The following CDH18 variants were observed in gnomAD, a reference collection of about 807,000 sequenced individuals.
CDH18 encodes cadherin 18.
CDH18 carries 31 observed loss-of-function variants against 67.9 expected under a neutral mutation model. That is an observed-to-expected ratio of 0.46 (90% CI 0.34 to 0.62). The LOEUF (loss-of-function observed/expected upper bound fraction) is 0.62, where lower values mean the gene tolerates loss of function less well. Ranked by LOEUF, CDH18 falls within the 20% of genes least tolerant of loss-of-function variation. CDH18 has a pLI of 0.01. For synonymous variants in CDH18, 362 were observed against 347.2 expected (o/e 1.04, Z -0.48); for missense variants, 890 against 975.5 (o/e 0.91, Z 1.17).
At chr5:19,814,965 T>C (rs528602417) in intron 3 of CDH18, among the ~76,000 whole-genome samples, 18 of 152,000 alleles carry the variant, frequency 1.2e-4, no homozygotes, top group Non-Finnish European at 2.1e-4. Flanking sequence ...ATAATGTGTA[T>C]TGCTGAACTT....
intron 6 of CDH18, among the ~76,000 whole-genome samples, chr5:19,611,910 C>T (rs1035773292): frequency 3.3e-5 from 5 of 150,552 alleles, no homozygotes; most frequent in African/African-American, 4.9e-5. Flanking sequence ...TCTGAGACCT[C>T]ATCTTATCAT....
intron 2 of CDH18, among the ~76,000 whole-genome samples, chr5:20,027,188 CT>C (rs1156666635): frequency 1.3e-5 from 2 of 151,568 alleles, no homozygotes; most frequent in East Asian, 3.9e-4. Context: ...TATGATTAAA[CT>C]TTTTACATAT....
intron 3 of CDH18, among the ~76,000 whole-genome samples, chr5:19,757,437 C>T (rs1052986127): frequency 2.4e-4 from 37 of 152,182 alleles, no homozygotes; most frequent in Admixed American, 5.2e-4. Context: ...CCAGGTCAGC[C>T]TTGGTGAGTG....
intron 3 of CDH18, among the ~76,000 whole-genome samples, chr5:19,780,514 AC>A (rs1774986919): frequency 6.6e-6 from 1 of 152,124 alleles, no homozygotes; most frequent in Non-Finnish European, 1.5e-5. Context: ...TAAATTAGGA[AC>A]AAAAAAGGAC....
intron 2 of CDH18, among the ~76,000 whole-genome samples, chr5:20,217,766 GCCT>G (rs1480801030): frequency 6.6e-6 from 1 of 151,618 alleles, no homozygotes; most frequent in Non-Finnish European, 1.5e-5. Context: ...ATGATTTGTT[GCCT>G]ACATAGCAAA....
At chr5:19,570,396 G>T (rs952242967) in intron 8 of CDH18, among the ~76,000 whole-genome samples, 1 of 152,120 alleles carries the variant, frequency 6.6e-6, no homozygotes, top group African/African-American at 2.4e-5. Context: ...GAGTAGGATT[G>T]TTGAATATCT....
chr5:19,766,782 C>T (rs1363640693), intron 3 of CDH18, among the ~76,000 whole-genome samples: 4 of 152,088 alleles, frequency 2.6e-5, no homozygotes, highest in Admixed American at 6.6e-5. Context: ...TTTATCTGCC[C>T]GGATTTTAGT....
chr5:19,789,230 A>C (rs1386276542), intron 3 of CDH18, among the ~76,000 whole-genome samples: 1 of 152,134 alleles, frequency 6.6e-6, no homozygotes, highest in Admixed American at 6.6e-5. Flanking sequence ...AAGTTGTACG[A>C]CCTTAGGCAA....
chr5:19,912,909 T>C (rs1791312492), intron 2 of CDH18, among the ~76,000 whole-genome samples: 1 of 152,112 alleles, frequency 6.6e-6, no homozygotes, highest in African/African-American at 2.4e-5. Context: ...AGGGTCTGGG[T>C]GATTCTCAAG....
At chr5:19,891,873 T>C (rs1242674012) in intron 2 of CDH18, among the ~76,000 whole-genome samples, 5 of 152,214 alleles carry the variant, frequency 3.3e-5, no homozygotes, top group African/African-American at 1.2e-4. Context: ...AAGCATTTCC[T>C]AGGAGCAAAG....
intron 5 of CDH18, among the ~76,000 whole-genome samples, chr5:19,615,145 C>G (rs1409187591): frequency 1.3e-5 from 1 of 78,696 alleles, no homozygotes; most frequent in Non-Finnish European, 2.9e-5. Context: ...GACTCCATCT[C>G]AAAAAAGAAA....
intron 1 of CDH18, among the ~76,000 whole-genome samples, chr5:20,447,313 C>A (rs1312601019): frequency 1.3e-5 from 2 of 151,540 alleles, no homozygotes; most frequent in South Asian, 2.1e-4. Context: ...TATTAAGAGG[C>A]GAAGCCTTTA....
chr5:19,495,849 CA>C (rs953033517), intron 11 of CDH18, among the ~76,000 whole-genome samples: 11 of 151,226 alleles, frequency 7.3e-5, no homozygotes, highest in African/African-American at 2.7e-4. Flanking sequence ...CCGTTGGTTG[CA>C]AAACAGCCTT....
At chr5:20,537,828 T>A (rs1316028956) in intron 1 of CDH18, among the ~76,000 whole-genome samples, 9 of 152,198 alleles carry the variant, frequency 5.9e-5, no homozygotes, top group Non-Finnish European at 1.2e-4. Context: ...ATGTACTTTG[T>A]CGTCCTCTGT....
intron 1 of CDH18, among the ~76,000 whole-genome samples, chr5:20,574,667 A>G (rs931460271): frequency 3.9e-5 from 6 of 152,076 alleles, no homozygotes; most frequent in Non-Finnish European, 7.4e-5. Flanking sequence ...CAACCCATCA[A>G]TTTCAGATAT....
chr5:20,398,382 T>A (rs1745457610), intron 1 of CDH18, among the ~76,000 whole-genome samples: 1 of 152,208 alleles, frequency 6.6e-6, no homozygotes, highest in Non-Finnish European at 1.5e-5. Flanking sequence ...ATTTTATTGA[T>A]ATATTTTTCA....
intron 2 of CDH18, among the ~76,000 whole-genome samples, chr5:19,840,111 A>T (rs921906471): frequency 8.6e-5 from 13 of 150,366 alleles, no homozygotes; most frequent in African/African-American, 2.7e-4. Context: ...AAAAAATAAA[A>T]AAAAAAATGA....
At chr5:20,186,751 A>C (rs1580432743) in intron 2 of CDH18, among the ~76,000 whole-genome samples, 1 of 62,472 alleles carries the variant, frequency 1.6e-5, no homozygotes, top group Admixed American at 1.9e-4. Context: ...GCAATTCCTT[A>C]AAAAAATGTA....
chr5:20,040,119 T>C (rs190794671), intron 2 of CDH18, among the ~76,000 whole-genome samples: 24 of 152,184 alleles, frequency 1.6e-4, no homozygotes, highest in Non-Finnish European at 2.9e-4. Context: ...TCACTGGTCA[T>C]TAGAGAAATG....
Sources: allele counts gnomAD v4.1 joint callset (sites outside exome capture counted in the v4.1 genomes callset), GRCh38; gene constraint gnomAD v4.1.1; transcripts MANE v1.5; gene names NCBI Gene and HGNC (gene_info 2026-07-23, HGNC 2026-07-21).